Variants in EPB41L4B observed in about 807,000 individuals in gnomAD.
EPB41L4B encodes erythrocyte membrane protein band 4.1 like 4B.
Under a neutral mutation model 112.5 loss-of-function variants are expected in EPB41L4B, and 30 were observed. The observed-to-expected ratio is 0.27, with a 90% CI of 0.20 to 0.36. The LOEUF is 0.36. EPB41L4B is among the 10% of genes least tolerant of loss of function. EPB41L4B has a pLI of 1.00. For synonymous variants in EPB41L4B, 408 were observed against 439.7 expected, an observed-to-expected ratio of 0.93 and a Z score of 0.90; for missense variants, 1,024 against 1,133.3, an observed-to-expected ratio of 0.90 and a Z score of 1.38.
chr9:109,192,030 A>G (rs1832476440), intron 22 of EPB41L4B, among the ~76,000 whole-genome samples: 1 of 152,218 alleles, frequency 6.6e-6, no homozygotes, highest in Non-Finnish European at 1.5e-5. Flanking sequence ...CTCGAAGTGC[A>G]GTAGACAGGC....
At chr9:109,266,144 A>G (rs1167718086) in intron 4 of EPB41L4B, among the ~76,000 whole-genome samples, 1 of 152,204 alleles carries the variant, frequency 6.6e-6, no homozygotes, top group Non-Finnish European at 1.5e-5. Flanking sequence ...CTTGATTCCT[A>G]TAAGAAAAAC....
At chr9:109,297,550 T>A (rs998851703) in intron 1 of EPB41L4B, among the ~76,000 whole-genome samples, 1 of 152,204 alleles carries the variant, frequency 6.6e-6, no homozygotes, top group Non-Finnish European at 1.5e-5. Context: ...CCAGTGCAGA[T>A]GCGTCATGTG....
At chr9:109,175,508 C>T (rs1041158589) in intron 25 of EPB41L4B, among the ~76,000 whole-genome samples, 1 of 143,506 alleles carries the variant, frequency 7.0e-6, no homozygotes, top group Non-Finnish European at 1.5e-5. Flanking sequence ...CACACACACA[C>T]ACACAGAGTA....
intron 1 of EPB41L4B, among the ~76,000 whole-genome samples, chr9:109,282,125 A>G (rs1235678945): frequency 6.6e-6 from 1 of 152,214 alleles, no homozygotes; most frequent in Non-Finnish European, 1.5e-5. Flanking sequence ...ATGCTAAGTG[A>G]AAAAAGCCAG....
chr9:109,250,829 G>C (rs1327617425), intron 13 of EPB41L4B, among the ~76,000 whole-genome samples: 1 of 152,172 alleles, frequency 6.6e-6, no homozygotes, highest in Non-Finnish European at 1.5e-5. Context: ...CTGGTCCACT[G>C]ATATTTATAA....
intron 17 of EPB41L4B, among the ~76,000 whole-genome samples, chr9:109,211,649 G>A (rs779755189): frequency 1.7e-4 from 25 of 150,640 alleles, no homozygotes; most frequent in East Asian, 3.9e-4. Flanking sequence ...TGTGTGTGTC[G>A]GGACAAAGTC....
At chr9:109,208,768 T>G (rs918179651) in intron 17 of EPB41L4B, among the ~76,000 whole-genome samples, 2 of 152,212 alleles carry the variant, frequency 1.3e-5, no homozygotes, top group African/African-American at 4.8e-5. Flanking sequence ...AAATAAAAAG[T>G]ACTCATCCAT....
At chr9:109,272,653 T>C (rs896837242) in intron 2 of EPB41L4B, among the ~76,000 whole-genome samples, 5 of 152,006 alleles carry the variant, frequency 3.3e-5, no homozygotes, top group African/African-American at 1.2e-4. Context: ...CTTGGGAGGC[T>C]GAGTCAGAAG....
At chr9:109,309,298 G>A (rs552811722) in intron 1 of EPB41L4B, among the ~76,000 whole-genome samples, 25 of 152,260 alleles carry the variant, frequency 1.6e-4, no homozygotes, top group South Asian at 4.1e-4. Context: ...TATAGATCCC[G>A]TAGTTGCTCT....
chr9:109,281,196 T>C (rs188493756), intron 1 of EPB41L4B, among the ~76,000 whole-genome samples: 7 of 151,570 alleles, frequency 4.6e-5, no homozygotes, highest in Non-Finnish European at 8.8e-5. Context: ...GGAGAACATG[T>C]TTGCAAATCT....
At chr9:109,201,642 T>C (rs908937428) in intron 19 of EPB41L4B, among the ~76,000 whole-genome samples, 5 of 152,078 alleles carry the variant, frequency 3.3e-5, no homozygotes, top group Admixed American at 6.6e-5. Flanking sequence ...ACGGTCAGCA[T>C]CGGGGAAAGC....
intron 6 of EPB41L4B, among the ~76,000 whole-genome samples, chr9:109,259,572 T>C (rs2004094): frequency 0.84 from 127,906 of 152,118 alleles, 54,389 homozygotes; most frequent in Middle Eastern, 0.95. Context: ...ACAAGAGGAC[T>C]TGGATCCCAA....
intron 22 of EPB41L4B, among the ~76,000 whole-genome samples, chr9:109,188,211 T>C (rs991218692): frequency 2.6e-5 from 4 of 152,098 alleles, no homozygotes; most frequent in African/African-American, 4.8e-5. Flanking sequence ...AGTTTGACCA[T>C]TGGAGAGAAA....
At chr9:109,307,408 A>T in intron 1 of EPB41L4B, 1 of 343,014 alleles carries the variant, frequency 2.9e-6, no homozygotes, top group African/African-American at 2.2e-5. Context: ...CATATCCCAG[A>T]CCTCCTTTCT....
chr9:109,250,662 G>A (rs1834751708), intron 13 of EPB41L4B, among the ~76,000 whole-genome samples: 2 of 152,096 alleles, frequency 1.3e-5, no homozygotes, highest in Admixed American at 1.3e-4. Flanking sequence ...AAGCTATATG[G>A]GTCCCACCCT....
At chr9:109,266,727 G>C (rs1201476668) in intron 4 of EPB41L4B, among the ~76,000 whole-genome samples, 2 of 152,104 alleles carry the variant, frequency 1.3e-5, no homozygotes, top group African/African-American at 4.8e-5. Context: ...CAGCACTTTG[G>C]GAGGCCAAAG....
At chr9:109,233,427 A>G (rs145932308) in intron 15 of EPB41L4B, among the ~76,000 whole-genome samples, 45 of 152,218 alleles carry the variant, frequency 3.0e-4, no homozygotes, top group African/African-American at 1.0e-3. Context: ...GATATTCAAA[A>G]TCAATTCCTT....
intron 1 of EPB41L4B, among the ~76,000 whole-genome samples, chr9:109,287,740 C>T (rs1247632081): frequency 2.0e-5 from 3 of 152,046 alleles, no homozygotes; most frequent in Non-Finnish European, 2.9e-5. Context: ...CTCAAGCGAT[C>T]CTCCCACCTC....
intron 24 of EPB41L4B, among the ~76,000 whole-genome samples, chr9:109,180,305 C>T (rs992119757): frequency 3.3e-5 from 5 of 152,218 alleles, no homozygotes; most frequent in African/African-American, 1.2e-4. Flanking sequence ...CCCCAGCTTT[C>T]GGGAAGGGCT....
Sources: gnomAD v4.1 joint callset for allele counts (sites outside exome capture counted in the v4.1 genomes callset) on GRCh38, gnomAD v4.1.1 for gene constraint, MANE v1.5 for transcripts, NCBI Gene and HGNC (gene_info 2026-07-23, HGNC 2026-07-21) for gene names.